LARGE1: variants seen among roughly 807,000 people sequenced by gnomAD.
LARGE1 encodes xylosyl- and glucuronyltransferase LARGE1.
A neutral mutation model predicts 87.6 loss-of-function variants in LARGE1; 43 were observed. The ratio of observed to expected loss-of-function variants is 0.49; its 90% confidence interval spans 0.38 to 0.63. LARGE1 has a LOEUF of 0.63. Among genes scored for constraint, LARGE1 ranks in the 30% least tolerant of loss-of-function variants. The probability of loss-of-function intolerance (pLI) is 0.00; values close to 1 mark genes in which losing one functional copy is unlikely to be tolerated. For missense variants in LARGE1, 802 were observed against 1,000.2 expected, an observed-to-expected ratio of 0.80 and a Z score of 2.67; for synonymous variants, 434 against 394.6, an observed-to-expected ratio of 1.10 and a Z score of -1.18.
At chr22:33,593,428 C>A (rs2078899049) in intron 5 of LARGE1, among the ~76,000 whole-genome samples, 1 of 152,100 alleles carries the variant, frequency 6.6e-6, no homozygotes, top group Non-Finnish European at 1.5e-5. Flanking sequence ...GGTTGGTATT[C>A]TTGGGTCTCT....
intron 6 of LARGE1, among the ~76,000 whole-genome samples, chr22:33,536,100 C>T (rs1368960429): frequency 2.6e-5 from 4 of 152,160 alleles, no homozygotes; most frequent in East Asian, 1.9e-4. Context: ...CATTACAATA[C>T]GGCACTCTGA....
chr22:33,086,406 T>C, the LARGE1 span, among the ~76,000 whole-genome samples: 1 of 152,160 alleles, frequency 6.6e-6, no homozygotes, highest in African/African-American at 2.4e-5. Context: ...GGTTGGGTAG[T>C]GTCTCTATTA....
chr22:33,127,935 A>C, the LARGE1 span, among the ~76,000 whole-genome samples: 1 of 152,156 alleles, frequency 6.6e-6, no homozygotes, highest in Non-Finnish European at 1.5e-5. Context: ...TCATATCTGG[A>C]ACATTTTGTC....
chr22:33,453,119 A>G (rs933928540), intron 6 of LARGE1, among the ~76,000 whole-genome samples: 1 of 152,214 alleles, frequency 6.6e-6, no homozygotes, highest in African/African-American at 2.4e-5. Flanking sequence ...TAAGACATTG[A>G]AAGGTTGTTG....
At chr22:33,765,039 A>G (rs1378230453) in intron 1 of LARGE1, among the ~76,000 whole-genome samples, 1 of 152,230 alleles carries the variant, frequency 6.6e-6, no homozygotes, top group Admixed American at 6.5e-5. Context: ...CAAGGCAACT[A>G]GCAGTAAGTA....
chr22:33,256,541 G>T (rs547999871), intron 11 of LARGE1, among the ~76,000 whole-genome samples: 1 of 152,110 alleles, frequency 6.6e-6, no homozygotes, highest in Non-Finnish European at 1.5e-5. Flanking sequence ...AAGTGCTTGG[G>T]AACATAATAA....
At chr22:33,123,419 T>C in the LARGE1 span, among the ~76,000 whole-genome samples, 1 of 152,196 alleles carries the variant, frequency 6.6e-6, no homozygotes, top group Non-Finnish European at 1.5e-5. Flanking sequence ...TCCACTTGCC[T>C]AAAAGACATC....
chr22:33,458,344 T>C (rs1224517286), intron 6 of LARGE1, among the ~76,000 whole-genome samples: 7 of 152,164 alleles, frequency 4.6e-5, no homozygotes, highest in Admixed American at 3.9e-4. Context: ...GACCTCATGA[T>C]CCGCCCGCCT....
Position 33,220,095 on chromosome 22 carries a change from G to A in LARGE1, c.1731-53263C>T, listed in dbSNP as rs534292426. ...CGGATGGTGAATTTGATTCAATCCT[G>A]AATTCCGCTGCAGAGGGCTCCTGTG... On this transcript the variant is annotated intron_variant, in intron 11 of 11. Transcript: ENST00000608642. Among the ~76,000 whole-genome samples the A allele has an allele frequency of 9.8e-5, 15 of 152,308 alleles. No homozygotes were observed. In the South Asian group the frequency reaches 3.1e-3, roughly 32 times the overall value.
intron 6 of LARGE1, among the ~76,000 whole-genome samples, chr22:33,497,762 C>T (rs559158782): frequency 1.1e-4 from 17 of 152,262 alleles, no homozygotes; most frequent in South Asian, 4.1e-4. Flanking sequence ...CTGATGCTAA[C>T]GATAACAATC....
At chr22:33,367,450 TTC>T (rs2064638619) in intron 9 of LARGE1, among the ~76,000 whole-genome samples, 1 of 152,194 alleles carries the variant, frequency 6.6e-6, no homozygotes, top group Non-Finnish European at 1.5e-5. Flanking sequence ...CAGGGTCTCA[TTC>T]TGTTACCCAG....
chr22:33,275,188 C>A (rs545824141), intron 14 of LARGE1, among the ~76,000 whole-genome samples: 1 of 152,306 alleles, frequency 6.6e-6, no homozygotes, highest in Non-Finnish European at 1.5e-5. Context: ...CTCCCTGACA[C>A]ATCTTTATCG....
At chr22:33,520,200 C>G (rs1424471059) in intron 6 of LARGE1, among the ~76,000 whole-genome samples, 1 of 151,782 alleles carries the variant, frequency 6.6e-6, no homozygotes, top group Non-Finnish European at 1.5e-5. Flanking sequence ...GCTCAGCCTC[C>G]TGAAATGGGG....
chr22:33,362,804 A>C (rs1025127147), intron 9 of LARGE1, among the ~76,000 whole-genome samples: 4 of 149,974 alleles, frequency 2.7e-5, no homozygotes, highest in Non-Finnish European at 6.0e-5. Flanking sequence ...CTTTTGTGTT[A>C]GGTGTGGGTG....
chr22:33,222,979 T>G (rs921686618), intron 11 of LARGE1, among the ~76,000 whole-genome samples: 2 of 152,150 alleles, frequency 1.3e-5, no homozygotes, highest in Non-Finnish European at 2.9e-5. Context: ...GCACCCTTTT[T>G]CTCACCTGCT....
chr22:33,239,821 C>G (rs939309276), intron 11 of LARGE1, among the ~76,000 whole-genome samples: 1 of 152,048 alleles, frequency 6.6e-6, no homozygotes, highest in Non-Finnish European at 1.5e-5. Flanking sequence ...ACAGAGTGAG[C>G]CACTGCGCCT....
chr22:33,585,544 T>C (rs1194089084), intron 5 of LARGE1, among the ~76,000 whole-genome samples: 1 of 152,154 alleles, frequency 6.6e-6, no homozygotes, highest in East Asian at 1.9e-4. Flanking sequence ...GCCTTCCCTC[T>C]TCCCATCTAC....
Position 33,495,021 on chromosome 22 carries a change from C to T in LARGE1, c.788-62756G>A, listed in dbSNP as rs557406231. Reference sequence around the variant, plus strand: ...AGTCTGGAACTGTGGCTGATTTCCTCGTTCCCTCTATTCTCTCCCTGCAAT... The same window carrying T: ...AGTCTGGAACTGTGGCTGATTTCCTTGTTCCCTCTATTCTCTCCCTGCAAT... On this transcript the variant is annotated intron_variant, in intron 6 of 14. Coordinates refer to ENST00000397394, the MANE Select transcript of LARGE1 (RefSeq NM_133642.5). Among the ~76,000 whole-genome samples, 271 of 152,232 alleles carry T rather than the reference C, an allele frequency of 1.8e-3. 2 individuals are homozygous for T. Among genetic ancestry groups the T allele is most frequent in the Middle Eastern group, 3.4e-3 (1 of 294 alleles).
At chr22:33,547,137 T>C (rs1031637767) in intron 6 of LARGE1, among the ~76,000 whole-genome samples, 4 of 152,134 alleles carry the variant, frequency 2.6e-5, no homozygotes, top group African/African-American at 9.7e-5. Flanking sequence ...TGTATGTATG[T>C]ATGATACCTA....
Sources: gnomAD v4.1 joint callset for allele counts (sites outside exome capture counted in the v4.1 genomes callset) on GRCh38, gnomAD v4.1.1 for gene constraint, MANE v1.5 for transcripts, NCBI Gene and HGNC (gene_info 2026-07-23, HGNC 2026-07-21) for gene names.